NAALADL2: variants seen among roughly 807,000 people sequenced by gnomAD.
NAALADL2 encodes the protein inactive N-acetylated-alpha-linked acidic dipeptidase-like protein 2.
A neutral mutation model predicts 87.2 loss-of-function variants in NAALADL2; 76 were observed. That is an observed-to-expected ratio of 0.87 (90% CI 0.72 to 1.05). The LOEUF is 1.05. Among genes scored for constraint, NAALADL2 ranks in the 50% least tolerant of loss-of-function variants. The probability of loss-of-function intolerance (pLI) is 0.00; values close to 1 mark genes in which losing one functional copy is unlikely to be tolerated. For synonymous variants in NAALADL2, 354 were observed against 331.0 expected (o/e 1.07, Z -0.75); for missense variants, 1,089 against 945.8 (o/e 1.15, Z -1.99).
chr3:175,273,472 T>C (rs940882047), intron 4 of NAALADL2, among the ~76,000 whole-genome samples: 3 of 152,176 alleles, frequency 2.0e-5, no homozygotes, highest in Non-Finnish European at 4.4e-5. Context: ...CTAGGTTACC[T>C]TCCATGTTAG....
At chr3:174,836,707 TCAAAA>T (rs1448975436) in intron 3 of NAALADL2, among the ~76,000 whole-genome samples, 1 of 19,912 alleles carries the variant, frequency 5.0e-5, no homozygotes, top group African/African-American at 1.9e-4. Context: ...AGACTCCGTC[TCAAAA>T]AAAAAAAAAA....
At chr3:175,285,557 G>C (rs1333901517) in intron 4 of NAALADL2, among the ~76,000 whole-genome samples, 2 of 152,094 alleles carry the variant, frequency 1.3e-5, no homozygotes, top group Non-Finnish European at 2.9e-5. Context: ...GTGGTAGTTT[G>C]TTGATAGGAA....
At chr3:175,598,664 A>T (rs1287954137) in intron 10 of NAALADL2, among the ~76,000 whole-genome samples, 1 of 152,120 alleles carries the variant, frequency 6.6e-6, no homozygotes, top group African/African-American at 2.4e-5. Flanking sequence ...CAAATGTTAA[A>T]GCACAACTCC....
intron 9 of NAALADL2, among the ~76,000 whole-genome samples, chr3:175,540,812 G>T (rs1028841107): frequency 2.0e-5 from 3 of 151,996 alleles, no homozygotes. Context: ...ACTAAATAGG[G>T]GCGACTACTG....
chr3:175,574,069 T>C (rs1202703130), intron 9 of NAALADL2, among the ~76,000 whole-genome samples: 3 of 152,228 alleles, frequency 2.0e-5, no homozygotes, highest in Non-Finnish European at 4.4e-5. Context: ...AGAAACTAGA[T>C]AGTTATTAAA....
intron 3 of NAALADL2, among the ~76,000 whole-genome samples, chr3:174,846,261 G>A (rs1489474246): frequency 3.3e-5 from 5 of 152,164 alleles, no homozygotes; most frequent in Non-Finnish European, 7.3e-5. Flanking sequence ...TGGTATACTA[G>A]GTTTCTGTGG....
chr3:174,865,965 C>T (rs531987975), intron 1 of NAALADL2, among the ~76,000 whole-genome samples: 26 of 151,804 alleles, frequency 1.7e-4, no homozygotes, highest in Non-Finnish European at 8.8e-5. Flanking sequence ...AAGATTAAGA[C>T]AATGTAACAG....
intron 1 of NAALADL2, among the ~76,000 whole-genome samples, chr3:174,866,598 G>T (rs1016033736): frequency 2.0e-5 from 3 of 151,704 alleles, no homozygotes; most frequent in African/African-American, 7.2e-5. Flanking sequence ...AGTTCCTAAT[G>T]AATTTTATAT....
chr3:174,947,593 T>C (rs1739633968), intron 1 of NAALADL2, among the ~76,000 whole-genome samples: 1 of 152,132 alleles, frequency 6.6e-6, no homozygotes, highest in Non-Finnish European at 1.5e-5. Flanking sequence ...ATGATGCTAA[T>C]AGTTCTTCTT....
intron 2 of NAALADL2, among the ~76,000 whole-genome samples, chr3:175,142,081 G>C (rs962220201): frequency 1.3e-5 from 2 of 152,008 alleles, no homozygotes; most frequent in African/African-American, 4.8e-5. Flanking sequence ...CTCATGCCCA[G>C]CACAATCGAT....
At chr3:175,105,416 G>A (rs1360440056) in intron 2 of NAALADL2, among the ~76,000 whole-genome samples, 1 of 151,096 alleles carries the variant, frequency 6.6e-6, no homozygotes, top group Non-Finnish European at 1.5e-5. Flanking sequence ...GTATACTTCT[G>A]GTTATTTATA....
At chr3:175,118,453 GA>G (rs1725631988) in intron 2 of NAALADL2, among the ~76,000 whole-genome samples, 1 of 151,446 alleles carries the variant, frequency 6.6e-6, no homozygotes, top group African/African-American at 2.4e-5. Context: ...CTGGCCTTGG[GA>G]AAAACTATAA....
At chr3:175,032,113 T>C (rs1752866021) in intron 1 of NAALADL2, among the ~76,000 whole-genome samples, 1 of 152,062 alleles carries the variant, frequency 6.6e-6, no homozygotes, top group Admixed American at 6.6e-5. Context: ...AGCTCTTTAG[T>C]TTAATTAAGT....
intron 3 of NAALADL2, among the ~76,000 whole-genome samples, chr3:174,800,589 C>G (rs546261624): frequency 1.3e-5 from 2 of 151,036 alleles, no homozygotes; most frequent in Non-Finnish European, 3.0e-5. Flanking sequence ...TGGAGCCCCT[C>G]CCCCCCAACA....
intron 1 of NAALADL2, among the ~76,000 whole-genome samples, chr3:175,090,407 T>A (rs1227771203): frequency 6.6e-6 from 1 of 151,900 alleles, no homozygotes; most frequent in Non-Finnish European, 1.5e-5. Flanking sequence ...ATATAGGAAC[T>A]CAGGTGGGCC....
intron 1 of NAALADL2, among the ~76,000 whole-genome samples, chr3:174,514,876 A>G (rs1719823542): frequency 6.6e-6 from 1 of 152,068 alleles, no homozygotes; most frequent in Non-Finnish European, 1.5e-5. Context: ...ACCATTAGTA[A>G]ATTACTACAC....
chr3:175,587,772 T>TGAGA (rs1368336085), intron 10 of NAALADL2, among the ~76,000 whole-genome samples: 1 of 152,166 alleles, frequency 6.6e-6, no homozygotes, highest in Non-Finnish European at 1.5e-5. Flanking sequence ...TCTCGTACCA[T>TGAGA]GAGAGACTTT....
chr3:174,474,515 A>G (rs1444011250), intron 1 of NAALADL2, among the ~76,000 whole-genome samples: 2 of 152,112 alleles, frequency 1.3e-5, no homozygotes, highest in Admixed American at 1.3e-4. Flanking sequence ...ACTAACCTTA[A>G]CTATAAGGGG....
intron 3 of NAALADL2, among the ~76,000 whole-genome samples, chr3:175,254,068 T>G (rs994526295): frequency 6.6e-6 from 1 of 152,142 alleles, no homozygotes; most frequent in African/African-American, 2.4e-5. Flanking sequence ...CAATAGGGTT[T>G]TTGAGATAAT....
Sources: allele counts gnomAD v4.1 joint callset (sites outside exome capture counted in the v4.1 genomes callset), GRCh38; gene constraint gnomAD v4.1.1; transcripts MANE v1.5; gene names NCBI Gene and HGNC (gene_info 2026-07-23, HGNC 2026-07-21).